Variants in FBXL5 observed in about 807,000 individuals in gnomAD.
The protein encoded by FBXL5 is F-box/LRR-repeat protein 5.
In FBXL5, 26 loss-of-function variants were observed where a neutral mutation model predicts 78.3. The observed-to-expected ratio is 0.33, with a 90% CI of 0.24 to 0.46. The LOEUF (loss-of-function observed/expected upper bound fraction) is 0.46. Among genes scored for constraint, FBXL5 ranks in the 20% least tolerant of loss-of-function variants. FBXL5 has a pLI of 1.00. For missense variants in FBXL5, 710 were observed against 829.2 expected (o/e 0.86, Z 1.77); for synonymous variants, 295 against 282.5 (o/e 1.04, Z -0.45).
Position 15,605,861 on chromosome 4 carries a change from T to C in FBXL5, c.2000-62A>G. ...CTTAGAGATCACATAAAAATAATTT[T>C]GCTTATGAAGGAGTTAAACATTCAT... On this transcript the variant is annotated intron_variant, in intron 10 of 10. Coordinates refer to ENST00000341285, the MANE Select transcript of FBXL5 (RefSeq NM_012161.4). The C allele has an allele frequency of 1.5e-5, 21 of 1,362,962 alleles. No individual in the cohort carries two copies. The South Asian group carries it at 2.5e-4, about 16-fold the overall frequency. 84.4% of individuals were successfully genotyped at this position (1,362,962 alleles called of 1,614,324 possible). A position where few individuals can be genotyped will look rare whatever the true frequency, so the allele number is the denominator to read the frequency against.
chr4:15,657,892 T>G (rs1049804724), upstream of FBXL5, among the ~76,000 whole-genome samples: 1 of 152,188 alleles, frequency 6.6e-6, no homozygotes, highest in African/African-American at 2.4e-5. Flanking sequence ...CCTTTTTGGA[T>G]GTATGACAGC....
At chr4:15,649,658 T>C (rs1715734946) in intron 1 of FBXL5, among the ~76,000 whole-genome samples, 1 of 151,378 alleles carries the variant, frequency 6.6e-6, no homozygotes, top group African/African-American at 2.4e-5. Flanking sequence ...TCTGTTTATA[T>C]AAATAGTTTT....
upstream of FBXL5, among the ~76,000 whole-genome samples, chr4:15,657,813 G>A (rs1467244486): frequency 6.6e-6 from 1 of 152,144 alleles, no homozygotes; most frequent in African/African-American, 2.4e-5. Flanking sequence ...ATTACCATAG[G>A]TTACTGCAAC....
At chr4:15,627,863 A>G in intron 7 of FBXL5, 22 bp downstream of exon 7, 1 of 1,597,208 alleles carries the variant, frequency 6.3e-7, no homozygotes, top group Non-Finnish European at 8.5e-7. Flanking sequence ...TAATACCCAA[A>G]CTAGTGTTAA....
intron 1 of FBXL5, among the ~76,000 whole-genome samples, chr4:15,670,022 TTGTTA>T (rs1344706981): frequency 6.6e-6 from 1 of 152,238 alleles, no homozygotes; most frequent in African/African-American, 2.4e-5. Flanking sequence ...AGCTACTGTA[TTGTTA>T]TATCTCACTT....
intron 9 of FBXL5, among the ~76,000 whole-genome samples, chr4:15,618,931 A>AAGCAAAGGCAG (rs57298448): frequency 6.6e-6 from 1 of 151,396 alleles, no homozygotes; most frequent in East Asian, 1.9e-4. Context: ...GCACTTTGGG[A>AAGCAAAGGCAG]GTGCTTGAGC....
intron 1 of FBXL5, among the ~76,000 whole-genome samples, chr4:15,648,462 C>T (rs1025222025): frequency 2.6e-5 from 4 of 152,046 alleles, no homozygotes; most frequent in Non-Finnish European, 5.9e-5. Flanking sequence ...TTCATAATAG[C>T]CAAGATATGG....
At chr4:15,651,728 TTC>T (rs1318091625) in intron 1 of FBXL5, among the ~76,000 whole-genome samples, 4 of 152,184 alleles carry the variant, frequency 2.6e-5, no homozygotes, top group Non-Finnish European at 4.4e-5. Flanking sequence ...TATAAATAAA[TTC>T]TTTCATAAAA....
chr4:15,659,750 A>G, upstream of FBXL5: 2 of 984,842 alleles, frequency 2.0e-6, no homozygotes, highest in Non-Finnish European at 2.4e-6. Context: ...CCTCTTAGTA[A>G]ATATTGCCAA....
At chr4:15,640,497 G>A (rs1331866155) in intron 3 of FBXL5, among the ~76,000 whole-genome samples, 3 of 151,042 alleles carry the variant, frequency 2.0e-5, no homozygotes, top group African/African-American at 7.3e-5. Flanking sequence ...AAGACATTAG[G>A]GTAGCATAAG....
intron 9 of FBXL5, 99 bp from the exon 10 acceptor site, chr4:15,612,513 T>C (rs191263087): frequency 7.5e-5 from 84 of 1,116,058 alleles, no homozygotes; most frequent in East Asian, 6.1e-4. Context: ...CTTTTCAATA[T>C]GGTAATGAGA....
At chr4:15,658,562 T>C (rs976552679), upstream of FBXL5, among the ~76,000 whole-genome samples, 2 of 151,788 alleles carry the variant, frequency 1.3e-5, no homozygotes, top group African/African-American at 4.8e-5. Flanking sequence ...TGTGCCAGCA[T>C]GCTGAGTCCC....
intron 3 of FBXL5, among the ~76,000 whole-genome samples, chr4:15,639,985 G>C (rs893492073): frequency 6.6e-6 from 1 of 152,062 alleles, no homozygotes; most frequent in Admixed American, 6.6e-5. Context: ...AAAACGTTTT[G>C]CCCATTCATT....
intron 5 of FBXL5, among the ~76,000 whole-genome samples, chr4:15,633,023 T>C (rs987007728): frequency 1.3e-5 from 2 of 152,222 alleles, no homozygotes; most frequent in African/African-American, 4.8e-5. Context: ...GCCCAGGCAA[T>C]GGGCAATTTT....
intron 9 of FBXL5, 106 bp from the exon 10 acceptor site, chr4:15,612,520 G>A: frequency 9.4e-7 from 1 of 1,060,518 alleles, no homozygotes; most frequent in Non-Finnish European, 1.3e-6. Flanking sequence ...ATATGGTAAT[G>A]AGAAAATTTA....
At chr4:15,612,527 T>C in intron 9 of FBXL5, 113 bp from the exon 10 acceptor site, 1 of 993,734 alleles carries the variant, frequency 1.0e-6, no homozygotes, top group Non-Finnish European at 1.4e-6. Context: ...AATGAGAAAA[T>C]TTAAGAATTT....
chr4:15,627,063 A>C (rs569632269), intron 7 of FBXL5, 108 bp from the exon 8 acceptor site: 1 of 548,926 alleles, frequency 1.8e-6, no homozygotes, highest in South Asian at 3.0e-5. Context: ...TGTGAATATA[A>C]AAAAAAATCA....
chr4:15,659,199 C>G (rs1030465716), upstream of FBXL5, among the ~76,000 whole-genome samples: 1 of 152,174 alleles, frequency 6.6e-6, no homozygotes, highest in Non-Finnish European at 1.5e-5. Context: ...TAATGTTTAT[C>G]TACATTCCCT....
chr4:15,660,453 T>A (rs1304349262), upstream of FBXL5, among the ~76,000 whole-genome samples: 1 of 152,174 alleles, frequency 6.6e-6, no homozygotes, highest in East Asian at 1.9e-4. Flanking sequence ...TCCTAAAAAA[T>A]TTAAATGCTG....
Sources: allele counts gnomAD v4.1 joint callset (sites outside exome capture counted in the v4.1 genomes callset), GRCh38; gene constraint gnomAD v4.1.1; transcripts MANE v1.5; gene names NCBI Gene and HGNC (gene_info 2026-07-23, HGNC 2026-07-21).